AIF1L: variants seen among roughly 807,000 people sequenced by gnomAD.
AIF1L encodes the protein allograft inflammatory factor 1 like.
In AIF1L, 12 loss-of-function variants were observed where a neutral mutation model predicts 20.7. That is an observed-to-expected ratio of 0.58 (90% CI 0.37 to 0.94). The LOEUF is 0.94. AIF1L is among the 40% of genes least tolerant of loss of function. The pLI, the probability that AIF1L is intolerant of heterozygous loss-of-function variation, is 0.01. For missense variants in AIF1L, 173 were observed against 185.3 expected (o/e 0.93, Z 0.39); for synonymous variants, 76 against 65.1 (o/e 1.17, Z -0.81).
intron 2 of AIF1L, among the ~76,000 whole-genome samples, chr9:131,110,291 A>T (rs1399249816): frequency 6.6e-6 from 1 of 152,054 alleles, no homozygotes; most frequent in East Asian, 1.9e-4. Flanking sequence ...TTCACCCTGG[A>T]GGCCATTGTT....
chr9:131,096,670 G>A lies in AIF1L; in HGVS notation c.31+10G>A. ...AGCAACAGGTTCCAAGGTAGGCGCC[G>A]CCGTCCCCGAGCAGCCACCTGTGCG... On this transcript the variant is annotated intron_variant, in intron 1 of 5. Transcript: ENST00000247291. The A allele has an allele frequency of 6.8e-7, 1 of 1,476,106 alleles. No individual in the cohort carries two copies. The highest frequency in any genetic ancestry group is 8.9e-7 in the Non-Finnish European group (1 of 1,121,010). The allele number at this position is 1,476,106 out of a possible 1,614,324, so 91.4% of individuals were successfully genotyped here.
chr9:131,112,033 CCCA>C (rs1265397368), intron 3 of AIF1L: 4 of 233,052 alleles, frequency 1.7e-5, no homozygotes, highest in Non-Finnish European at 3.4e-5. Context: ...TCTCCCCCTC[CCCA>C]GCAGAGCGTC....
chr9:131,099,994 T>C (rs2133373000), intron 2 of AIF1L, among the ~76,000 whole-genome samples: 1 of 152,226 alleles, frequency 6.6e-6, no homozygotes, highest in Admixed American at 6.5e-5. Context: ...TCCAAAGTGC[T>C]AGGATTACAG....
At chr9:131,103,256 C>T (rs985295329) in intron 2 of AIF1L, among the ~76,000 whole-genome samples, 14 of 152,234 alleles carry the variant, frequency 9.2e-5, no homozygotes, top group African/African-American at 3.1e-4. Context: ...TGGCCCATCA[C>T]TGCCAGGTCA....
At position 131,121,161 on chromosome 9, in the gene AIF1L, G is replaced by T. The variant is rs893034033; in HGVS notation, c.*839G>T. 4.2e-6 allele frequency: 3 copies of T among 710,156 alleles called. No individual in the cohort carries two copies. The East Asian group carries it at 8.1e-5, about 19-fold the overall frequency. The allele number at this position is 710,156 out of a possible 1,614,324, so 44.0% of individuals were successfully genotyped here. A position where few individuals can be genotyped will look rare whatever the true frequency, so the allele number is the denominator to read the frequency against. On this transcript the variant is annotated 3_prime_UTR_variant, in exon 6 of 6. Transcript: ENST00000247291. ...GGAGAATGAGGAGTAAAATGCTCACGGCAAAGTCAGCAGCACTGGTAAGCC... is the reference window on the plus strand; with the variant it reads ...GGAGAATGAGGAGTAAAATGCTCACTGCAAAGTCAGCAGCACTGGTAAGCC...
chr9:131,096,736 G>A (rs1588176704), intron 1 of AIF1L, 66 bp from the exon 2 acceptor site: 8 of 1,471,532 alleles, frequency 5.4e-6, no homozygotes, highest in South Asian at 4.0e-5. Context: ...CGGGAAGCGG[G>A]CGGGGACGGG....
Position 131,103,125 on chromosome 9 carries a change from G to A in AIF1L, c.93+6262G>A, listed in dbSNP as rs769530762. ...CCTGGGCATAGCACTTGGGGGCCTC[G>A]CTGGAGGCTGGGATGGGCTTGGGGG... is the stretch of plus-strand genomic sequence containing the variant. On this transcript the variant is annotated intron_variant, in intron 2 of 5. Transcript: ENST00000247291. 126 of 383,766 alleles carry A rather than the reference G, an allele frequency of 3.3e-4. 2 individuals carry two copies. Among genetic ancestry groups the A allele is most frequent in the South Asian group, 2.3e-3 (122 of 52,614 alleles). 23.8% of individuals were successfully genotyped at this position (383,766 alleles called of 1,614,324 possible).
intron 2 of AIF1L, among the ~76,000 whole-genome samples, chr9:131,110,883 C>T (rs1364407692): frequency 2.6e-5 from 4 of 151,450 alleles, no homozygotes; most frequent in East Asian, 2.0e-4. Context: ...TGGGGAGGGC[C>T]GGGCGCGGTG....
chr9:131,112,544 C>T (rs1830915212), intron 3 of AIF1L: 1 of 152,266 alleles, frequency 6.6e-6, no homozygotes, highest in Non-Finnish European at 1.5e-5. Flanking sequence ...CCCCACATCA[C>T]CCCAATCGGC....
At chr9:131,101,745 C>T (rs1434542547) in intron 2 of AIF1L, among the ~76,000 whole-genome samples, 1 of 152,016 alleles carries the variant, frequency 6.6e-6, no homozygotes, top group Non-Finnish European at 1.5e-5. Context: ...CAAACCCAGT[C>T]ACCCTGGCCC....
rs537449772 is a variant in AIF1L at position 131,121,223 on chromosome 9, A to G, written c.*901A>G. On this transcript the variant is annotated 3_prime_UTR_variant, in exon 6 of 6. Coordinates refer to ENST00000247291, the MANE Select transcript of AIF1L (RefSeq NM_031426.4). ...ATACAAGGTTGCTTGTCTGACCCCAATCTGCTTGAAACCTGACTCTGCTTC... is the reference window on the plus strand; with the variant it reads ...ATACAAGGTTGCTTGTCTGACCCCAGTCTGCTTGAAACCTGACTCTGCTTC... The G allele has an allele frequency of 1.2e-4, 82 of 661,510 alleles. No individual in the cohort carries two copies. The highest frequency in any genetic ancestry group is 6.8e-4 in the Admixed American group (30 of 43,820). 41.0% of individuals were successfully genotyped at this position (661,510 alleles called of 1,614,324 possible).
chr9:131,097,669 C>G (rs541000459), intron 2 of AIF1L, among the ~76,000 whole-genome samples: 1 of 152,362 alleles, frequency 6.6e-6, no homozygotes, highest in African/African-American at 2.4e-5. Context: ...CAGGACCTGT[C>G]TGGGTTGGCC....
chr9:131,106,280 C>T (rs1327662699), intron 2 of AIF1L: 1 of 1,490,876 alleles, frequency 6.7e-7, no homozygotes, highest in Non-Finnish European at 9.0e-7. Flanking sequence ...GTTAGTTAAC[C>T]TGAGTCTCAA....
chr9:131,104,801 G>A (rs1228154580), intron 2 of AIF1L, among the ~76,000 whole-genome samples: 1 of 152,008 alleles, frequency 6.6e-6, no homozygotes, highest in East Asian at 1.9e-4. Context: ...GGGATGCTGA[G>A]ATGGGCGGAC....
At chr9:131,100,007 G>A (rs1564163214) in intron 2 of AIF1L, among the ~76,000 whole-genome samples, 1 of 151,964 alleles carries the variant, frequency 6.6e-6, no homozygotes, top group Non-Finnish European at 1.5e-5. Context: ...GATTACAGGC[G>A]TGAGCCACCC....
At chr9:131,097,189 G>A (rs1315359585) in intron 2 of AIF1L, among the ~76,000 whole-genome samples, 1 of 152,228 alleles carries the variant, frequency 6.6e-6, no homozygotes, top group Non-Finnish European at 1.5e-5. Flanking sequence ...AGGATTTGGC[G>A]CGGGAAGGGC....
At chr9:131,107,353 C>G (rs1390685694) in intron 2 of AIF1L, among the ~76,000 whole-genome samples, 1 of 152,192 alleles carries the variant, frequency 6.6e-6, no homozygotes, top group Non-Finnish European at 1.5e-5. Flanking sequence ...CTTCCACTTG[C>G]ACCCATCCAC....
intron 2 of AIF1L, among the ~76,000 whole-genome samples, chr9:131,108,509 A>G (rs922302608): frequency 6.6e-6 from 1 of 152,098 alleles, no homozygotes; most frequent in Non-Finnish European, 1.5e-5. Flanking sequence ...TGGCCTGTCT[A>G]TGGACTTTAG....
At position 131,121,344 on chromosome 9, in the gene AIF1L, C is replaced by T. The variant is rs955222967; in HGVS notation, c.*1022C>T. 1 of 536,476 alleles carries T rather than the reference C, an allele frequency of 1.9e-6. No homozygotes were observed. The highest frequency in any genetic ancestry group is 1.9e-5 in the African/African-American group (1 of 52,738). 33.2% of individuals were successfully genotyped at this position (536,476 alleles called of 1,614,324 possible). On this transcript the variant is annotated 3_prime_UTR_variant, in exon 6 of 6. Coordinates refer to ENST00000247291, the MANE Select transcript of AIF1L (RefSeq NM_031426.4). ...CCTGCTATTATAAGCTTTACATCCT[C>T]CCATGTTGTCCTGGCATGTGCAGTA...
Sources: allele counts gnomAD v4.1 joint callset (sites outside exome capture counted in the v4.1 genomes callset), GRCh38; gene constraint gnomAD v4.1.1; transcripts MANE v1.5; gene names NCBI Gene and HGNC (gene_info 2026-07-23, HGNC 2026-07-21).